The following UBAP2 variants were observed in gnomAD, a reference collection of about 807,000 sequenced individuals.
The protein encoded by UBAP2 is ubiquitin-associated protein 2.
In UBAP2, 75 loss-of-function variants were observed where a neutral mutation model predicts 139.6. The observed-to-expected ratio is 0.54, with a 90% confidence interval of 0.45 to 0.65. The LOEUF is 0.65. UBAP2 is among the 30% of genes least tolerant of loss of function. UBAP2 has a pLI of 0.00. For missense variants in UBAP2, 1,368 were observed against 1,369.6 expected (o/e 1.00, Z 0.02); for synonymous variants, 526 against 526.2 (o/e 1.00, Z 0.01).
chr9:34,028,305 G>T (rs969949176), intron 1 of UBAP2, among the ~76,000 whole-genome samples: 2 of 152,032 alleles, frequency 1.3e-5, no homozygotes, highest in Non-Finnish European at 2.9e-5. Flanking sequence ...ATTGCCCATA[G>T]CTGTTTGCAC....
At chr9:33,998,684 G>T in intron 3 of UBAP2, 103 bp downstream of exon 3, 1 of 1,015,566 alleles carries the variant, frequency 9.8e-7, no homozygotes, top group Non-Finnish European at 1.4e-6. Context: ...GAGACTAGAA[G>T]CTAGAAGTAA....
chr9:33,960,822 T>C lies in UBAP2; in HGVS notation c.798+4A>G, dbSNP rs1407618333. On this transcript the variant is annotated splice_donor_region_variant and intron_variant, in intron 10 of 28. Coordinates refer to ENST00000379238, the MANE Select transcript of UBAP2 (RefSeq NM_001370062.2). Reference sequence around the variant, plus strand: ...AAAGGTCTCATCTGACAGCAAACACTTACATCTTCAGTCCAGTCTTCTGTT... The same window carrying C: ...AAAGGTCTCATCTGACAGCAAACACCTACATCTTCAGTCCAGTCTTCTGTT... 2.5e-6 allele frequency: 4 copies of C among 1,612,550 alleles called. No individual in the cohort carries two copies. In the African/African-American group the frequency reaches 5.4e-5, roughly 22 times the overall value.
intron 22 of UBAP2, among the ~76,000 whole-genome samples, chr9:33,924,568 T>C (rs1210021628): frequency 6.6e-6 from 1 of 152,224 alleles, no homozygotes; most frequent in African/African-American, 2.4e-5. Context: ...AGGCAGGTGC[T>C]TGTGTGAATG....
intron 4 of UBAP2, among the ~76,000 whole-genome samples, chr9:33,992,075 A>C (rs1326693669): frequency 6.6e-6 from 1 of 152,108 alleles, no homozygotes; most frequent in Non-Finnish European, 1.5e-5. Context: ...AACATGGTGA[A>C]ACCCCATCTC....
chr9:33,944,491 A>T lies in UBAP2; in HGVS notation c.1419T>A (p.Ser473Arg), dbSNP rs1405457910. Reference protein sequence around the residue: ...AKLRESTPGDSPSTVNKLLQL... With the variant: ...AKLRESTPGDRPSTVNKLLQL... ...GCAAAAGCTTGTTCACAGTGGAGGG[A>T]CTGTCTCCAGGTGTTGATTCTCGAA... Residue 473 changes from serine to arginine, a missense_variant, in exon 14 of 29, where the codon AGT becomes AGA. Coordinates refer to ENST00000379238, the MANE Select transcript of UBAP2 (RefSeq NM_001370062.2). The T allele has an allele frequency of 6.2e-7, 1 of 1,614,068 alleles. No homozygotes were observed. Among genetic ancestry groups the T allele is most frequent in the East Asian group, 2.2e-5 (1 of 44,880 alleles).
At chr9:34,016,238 GGGAGGAAGAGGAGGA>G (rs746160607) in intron 2 of UBAP2, among the ~76,000 whole-genome samples, 8,712 of 72,708 alleles carry the variant, frequency 0.12, 557 homozygotes, top group Middle Eastern at 0.21. Flanking sequence ...GAAGAGGAAG[GGGAGGAAGAGGAGGA>G]GGAGGAAGAG....
chr9:33,930,626 G>C (rs559890891), intron 19 of UBAP2, among the ~76,000 whole-genome samples: 1 of 152,090 alleles, frequency 6.6e-6, no homozygotes, highest in Non-Finnish European at 1.5e-5. Flanking sequence ...GGCCGGGCGC[G>C]GTGGTTCACG....
chr9:33,946,501 G>A (rs1016413365), intron 13 of UBAP2, among the ~76,000 whole-genome samples: 1 of 152,132 alleles, frequency 6.6e-6, no homozygotes, highest in African/African-American at 2.4e-5. Flanking sequence ...GATTTGAAAA[G>A]CCAGTTCTAC....
intron 7 of UBAP2, among the ~76,000 whole-genome samples, chr9:33,972,129 A>T (rs112746225): frequency 6.6e-6 from 1 of 152,242 alleles, no homozygotes; most frequent in Non-Finnish European, 1.5e-5. Flanking sequence ...CCCAAGTCAG[A>T]ATCCAAGTTT....
At chr9:33,988,935 AAAG>A in intron 5 of UBAP2, 35 bp downstream of exon 5, 1 of 1,585,052 alleles carries the variant, frequency 6.3e-7, no homozygotes, top group African/African-American at 1.4e-5. Context: ...ACTTGAGATG[AAAG>A]AAGAGAAAAA....
At chr9:33,983,492 A>T (rs1285183034) in intron 6 of UBAP2, among the ~76,000 whole-genome samples, 2 of 152,166 alleles carry the variant, frequency 1.3e-5, no homozygotes, top group Non-Finnish European at 2.9e-5. Flanking sequence ...AAACCTTAAG[A>T]ACAAAGGAAT....
At chr9:33,950,880 A>T (rs1826037418) in intron 12 of UBAP2, among the ~76,000 whole-genome samples, 1 of 152,250 alleles carries the variant, frequency 6.6e-6, no homozygotes, top group Non-Finnish European at 1.5e-5. Context: ...GACTTTTAAA[A>T]TGTATACAAT....
At chr9:33,982,949 G>A (rs894895576) in intron 6 of UBAP2, among the ~76,000 whole-genome samples, 12 of 149,720 alleles carry the variant, frequency 8.0e-5, no homozygotes, top group Admixed American at 2.7e-4. Flanking sequence ...GCATGATCTC[G>A]GCTCACAGCA....
Position 33,973,156 on chromosome 9 carries a change from T to C in UBAP2, c.575+27A>G, listed in dbSNP as rs1828036500. ...AATAAAAACTAGGGAAGTAAATAAT[T>C]ATAAAAATAGGATGGCTATCACTTA... On this transcript the variant is annotated intron_variant, in intron 7 of 28. Coordinates refer to ENST00000379238, the MANE Select transcript of UBAP2 (RefSeq NM_001370062.2). 2.5e-6 allele frequency: 4 copies of C among 1,609,042 alleles called. No homozygotes were observed. In the South Asian group the frequency reaches 3.3e-5, roughly 13 times the overall value.
chr9:33,986,225 A>G (rs1821201795), intron 6 of UBAP2, among the ~76,000 whole-genome samples: 1 of 151,802 alleles, frequency 6.6e-6, no homozygotes, highest in South Asian at 2.1e-4. Flanking sequence ...GCTATTTTTT[A>G]TATTTTTTGG....
chr9:33,953,151 G>A (rs1313322171), intron 12 of UBAP2, 134 bp downstream of exon 12: 6 of 867,916 alleles, frequency 6.9e-6, no homozygotes. Context: ...TTACAGGCAT[G>A]AGCCATCATG....
Position 33,922,847 on chromosome 9 carries a change from G to C in UBAP2, c.3104C>G (p.Thr1035Arg). The change falls in exon 28 of 29, where the codon ACG becomes AGG. Residue 1035 changes from threonine to arginine, a missense_variant. Thr to Arg is a moderately conservative substitution (Grantham distance 71). Coordinates refer to ENST00000379238, the MANE Select transcript of UBAP2 (RefSeq NM_001370062.2). The part of the protein sequence containing the change: ...TFDKQGFHAG[T>R]PPPFSLPSVL... ...CGAGGGCAGGCTGAAAGGTGGAGGC[G>C]TCCCTGCATGAAATCCCTGCTTGTC... is the stretch of plus-strand genomic sequence containing the variant. 1 of 1,584,316 alleles carries C rather than the reference G, an allele frequency of 6.3e-7. No homozygotes were observed. Among genetic ancestry groups the C allele is most frequent in the Non-Finnish European group, 8.6e-7 (1 of 1,163,326 alleles).
intron 6 of UBAP2, among the ~76,000 whole-genome samples, chr9:33,980,097 T>C (rs72727384): frequency 0.13 from 19,924 of 151,666 alleles, 1,558 homozygotes; most frequent in South Asian, 0.33. Flanking sequence ...AACTGTATCA[T>C]GGAATCAAAT....
intron 8 of UBAP2, among the ~76,000 whole-genome samples, chr9:33,971,443 G>A (rs307678): frequency 0.19 from 29,254 of 152,102 alleles, 2,935 homozygotes; most frequent in South Asian, 0.36. Flanking sequence ...TTGCAGAAGG[G>A]AAAATCAAAT....
Sources: allele counts gnomAD v4.1 joint callset (sites outside exome capture counted in the v4.1 genomes callset), GRCh38; gene constraint gnomAD v4.1.1; transcripts MANE v1.5; gene names NCBI Gene and HGNC (gene_info 2026-07-23, HGNC 2026-07-21).